The following TTC5 variants were observed in gnomAD, a reference collection of about 807,000 sequenced individuals.
TTC5 encodes the protein tetratricopeptide repeat domain 5.
Under a neutral mutation model 57.4 loss-of-function variants are expected in TTC5, and 46 were observed. That is an observed-to-expected ratio of 0.80 (90% CI 0.63 to 1.03). TTC5 has a LOEUF of 1.03. Ranked by LOEUF, TTC5 falls within the 50% of genes least tolerant of loss-of-function variation. The pLI, the probability that TTC5 is intolerant of heterozygous loss-of-function variation, is 0.00. For synonymous variants in TTC5, 190 were observed against 203.5 expected, an observed-to-expected ratio of 0.93 and a Z score of 0.57; for missense variants, 504 against 528.1, an observed-to-expected ratio of 0.95 and a Z score of 0.45.
At chr14:20,299,739 G>T (rs1882143519) in intron 3 of TTC5, among the ~76,000 whole-genome samples, 1 of 152,030 alleles carries the variant, frequency 6.6e-6, no homozygotes, top group African/African-American at 2.4e-5. Flanking sequence ...TTTTAGTAGA[G>T]ACTGAGTTTC....
At chr14:20,300,952 T>C (rs1882177978) in intron 2 of TTC5, 134 bp from the exon 3 acceptor site, 2 of 703,716 alleles carry the variant, frequency 2.8e-6, no homozygotes, top group African/African-American at 1.8e-5. Flanking sequence ...AAACCATTTA[T>C]TGAAAGCTCA....
intron 8 of TTC5, chr14:20,293,312 G>A (rs1325705530): frequency 6.6e-6 from 1 of 152,208 alleles, no homozygotes; most frequent in Non-Finnish European, 1.5e-5. Context: ...GGGGGCAGAA[G>A]AGGATGTTAG....
At chr14:20,301,131 A>G (rs940205068) in intron 2 of TTC5, among the ~76,000 whole-genome samples, 3 of 152,262 alleles carry the variant, frequency 2.0e-5, no homozygotes, top group Non-Finnish European at 4.4e-5. Flanking sequence ...ATGGAAAATT[A>G]AAACCATGAA....
At position 20,299,367 on chromosome 14, in the gene TTC5, G is replaced by A. The variant is rs780097084; in HGVS notation, c.478C>T (p.His160Tyr). 1.9e-6 allele frequency: 3 copies of A among 1,614,074 alleles called. No homozygotes were observed. The highest frequency in any genetic ancestry group is 2.2e-5 in the East Asian group (1 of 44,878). ...GCCTGTCGGACACTGTCCATGACAT[G>A]GTGAGAATGTTCATCTTCAGTGTCA... ...RTDTEDEHSHHVMDSVRQAKL... is the reference protein window; with the variant it reads ...RTDTEDEHSHYVMDSVRQAKL... The change falls in exon 4 of 10, where the codon CAT becomes TAT. Residue 160 changes from histidine to tyrosine, a missense_variant. Coordinates refer to ENST00000258821, the MANE Select transcript of TTC5 (RefSeq NM_138376.3).
chr14:20,302,632 CT>C (rs1487786488), intron 1 of TTC5, among the ~76,000 whole-genome samples: 4 of 152,124 alleles, frequency 2.6e-5, no homozygotes. Flanking sequence ...TAAATATTCT[CT>C]TTCCTCTTAA....
chr14:20,302,014 G>A lies in TTC5; in HGVS notation c.52-49C>T, dbSNP rs774706057. On this transcript the variant is annotated intron_variant, in intron 1 of 9. Transcript: ENST00000258821. ...ATTAAGTGGAAAGATCACTGGATAG[G>A]GAAACTTGAAATTGGCTAGCCATAC... 5.6e-6 allele frequency: 9 copies of A among 1,606,722 alleles called. No individual in the cohort carries two copies. In the South Asian group the frequency reaches 9.9e-5, roughly 18 times the overall value.
At position 20,289,629 on chromosome 14, in the gene TTC5, A is replaced by AT. The variant is rs1881912017; in HGVS notation, c.1320dup (p.Ter441MetfsTer38). 1.9e-6 allele frequency: 3 copies of AT among 1,612,498 alleles called. No individual in the cohort carries two copies. Among genetic ancestry groups the AT allele is most frequent in the Non-Finnish European group, 2.5e-6 (3 of 1,179,064 alleles). The stretch of plus-strand genomic sequence containing the variant: ...CTGTTGAGCATGCAAGTCAAAGGTC[A>AT]TTCACACTGTGGTCGCGATGCCACT... On this transcript the variant is annotated frameshift_variant, in exon 10 of 10. Transcript: ENST00000258821. LOFTEE classifies it high-confidence loss of function.
rs201789115 is a variant in TTC5, at chr14:20,295,396, C to T, written c.974G>A (p.Ser325Asn). ...GCTGTTCACCCCAGGCTGAAGCGTA[C>T]TCAGTGGCTTGAGCTCCAGGGTCAC... ...QKVTLELKPL[S>N]TLQPGVNSGA... The change falls in exon 8 of 10, where the codon AGT (serine) becomes AAT (asparagine). Residue 325 changes from serine to asparagine, a missense_variant. Ser to Asn is a conservative substitution (Grantham distance 46). Transcript: ENST00000258821. 3.1e-6 allele frequency: 5 copies of T among 1,614,172 alleles called. No homozygotes were observed. Among genetic ancestry groups the T allele is most frequent in the Non-Finnish European group, 4.2e-6 (5 of 1,180,020 alleles).
At position 20,291,992 on chromosome 14, in the gene TTC5, G is replaced by A. The variant is rs1323275373; in HGVS notation, c.1194C>T (p.His398=). The part of the protein sequence containing the change: ...EPNLRLHRIQ[H]KGKDYSFSSV... Reference sequence around the variant, plus strand: ...CCTAGCCATTGCTCACCTTTCCTTTGTGCTGAATTCGGTGAAGCCGCAGGT... The same window carrying A: ...CCTAGCCATTGCTCACCTTTCCTTTATGCTGAATTCGGTGAAGCCGCAGGT... Residue 398 remains histidine, a synonymous_variant, in exon 9 of 10, where the codon CAC becomes CAT. Transcript: ENST00000258821. 1.3e-6 allele frequency: 2 copies of A among 1,587,514 alleles called. No individual in the cohort carries two copies. Among genetic ancestry groups the A allele is most frequent in the Non-Finnish European group, 1.7e-6 (2 of 1,167,762 alleles).
At chr14:20,292,315 A>C (rs1344728688) in intron 8 of TTC5, 188 bp from the exon 9 acceptor site, 12 of 340,702 alleles carry the variant, frequency 3.5e-5, no homozygotes, top group East Asian at 4.6e-5. Context: ...AAATAAACAA[A>C]TGCTTTTTCT....
intron 5 of TTC5, among the ~76,000 whole-genome samples, chr14:20,296,920 G>C (rs1882077242): frequency 6.6e-6 from 1 of 152,168 alleles, no homozygotes; most frequent in Non-Finnish European, 1.5e-5. Flanking sequence ...GGCTGAGGTA[G>C]AATTGTTTTA....
At chr14:20,303,037 C>G (rs779573110) in intron 1 of TTC5, among the ~76,000 whole-genome samples, 2 of 151,862 alleles carry the variant, frequency 1.3e-5, no homozygotes, top group African/African-American at 2.4e-5. Flanking sequence ...ACTAAAAATA[C>G]AAAAATTAGC....
Position 20,289,672 on chromosome 14 carries a change from G to A in TTC5, c.1278C>T (p.Ser426=), listed in dbSNP as rs1302253148. 1.2e-6 allele frequency: 2 copies of A among 1,613,882 alleles called. No individual in the cohort carries two copies. Among genetic ancestry groups the A allele is most frequent in the East Asian group, 2.2e-5 (1 of 44,878 alleles). Residue 426 remains serine (S), a synonymous_variant, in exon 10 of 10, where the codon AGC becomes AGT. Transcript: ENST00000258821. ...LVVNGKPQGS[S]SQAVATVASR... ...ATGCCACTGTGGCAACAGCCTGGCT[G>A]CTGGATCCCTGAGGCTTCCCATTCA...
At chr14:20,291,960 A>C (rs1881961794) in intron 9 of TTC5, 23 bp downstream of exon 9, 1 of 1,534,922 alleles carries the variant, frequency 6.5e-7, no homozygotes, top group Non-Finnish European at 8.7e-7. Context: ...ACGAGTTGTA[A>C]GAGAATCCTA....
chr14:20,292,777 T>C (rs1042628107), intron 8 of TTC5: 1 of 152,148 alleles, frequency 6.6e-6, no homozygotes, highest in Non-Finnish European at 1.5e-5. Flanking sequence ...AGAGGACAAA[T>C]ATCTAAATCA....
intron 1 of TTC5, among the ~76,000 whole-genome samples, chr14:20,305,009 A>G (rs914236996): frequency 2.0e-5 from 3 of 152,218 alleles, no homozygotes; most frequent in Admixed American, 2.0e-4. Flanking sequence ...ACAAACATAT[A>G]TACACAAATA....
intron 8 of TTC5, 21 bp from the exon 9 acceptor site, chr14:20,292,148 A>G (rs1468315699): frequency 6.8e-7 from 1 of 1,475,480 alleles, no homozygotes; most frequent in Non-Finnish European, 9.0e-7. Flanking sequence ...AAGACAGATT[A>G]GGAGAGAGGA....
chr14:20,305,708 A>C (rs1305240343), intron 1 of TTC5, 179 bp downstream of exon 1: 2 of 632,220 alleles, frequency 3.2e-6, no homozygotes, highest in African/African-American at 1.8e-5. Context: ...CGGCAGCAGG[A>C]GGTTCCAACG....
rs190200801 is a variant in TTC5 at position 20,304,921 on chromosome 14, A to G, written c.51+966T>C. ...TCAAATAGATACATGTAAAAAAAAG[A>G]AAGTACAAAATTACCCCAAAGAACC... On this transcript the variant is annotated intron_variant, in intron 1 of 9. Transcript: ENST00000258821. Among the ~76,000 whole-genome samples, 5 of 152,350 alleles carry G rather than the reference A, an allele frequency of 3.3e-5. No homozygotes were observed. In the East Asian group the frequency reaches 7.7e-4, roughly 23 times the overall value.
Sources: gnomAD v4.1 joint callset for allele counts (sites outside exome capture counted in the v4.1 genomes callset) on GRCh38, gnomAD v4.1.1 for gene constraint, MANE v1.5 for transcripts, NCBI Gene and HGNC (gene_info 2026-07-23, HGNC 2026-07-21) for gene names.